The following ECEL1 variants were observed in gnomAD, a reference collection of about 807,000 sequenced individuals.
The protein encoded by ECEL1 is endothelin-converting enzyme-like 1.
A neutral mutation model predicts 101.8 loss-of-function variants in ECEL1; 87 were observed. The observed-to-expected ratio is 0.85, with a 90% confidence interval of 0.72 to 1.02. The LOEUF is 1.02. Ranked by LOEUF, ECEL1 falls within the 50% of genes least tolerant of loss-of-function variation. ECEL1 has a pLI of 0.00. For missense variants in ECEL1, 1,032 were observed against 1,079.2 expected, an observed-to-expected ratio of 0.96 and a Z score of 0.61; for synonymous variants, 487 against 468.7, an observed-to-expected ratio of 1.04 and a Z score of -0.50.
chr2:232,481,828 G>A lies in ECEL1; in HGVS notation c.1818C>T (p.Ile606=), dbSNP rs1284757016. 6 of 1,613,830 alleles carry A rather than the reference G, an allele frequency of 3.7e-6. No homozygotes were observed. The highest frequency in any genetic ancestry group is 1.7e-5 in the Admixed American group (1 of 60,002). ...TCAGCTCATGTCCAATGATGGTGCC[G>A]ATGCCCCCGTAGTTGAGAGACCTGG... ...DFPQSLNYGG[I]GTIIGHELTH... Residue 606 remains isoleucine, a synonymous_variant, in exon 13 of 18, where the codon ATC becomes ATT. Coordinates refer to ENST00000304546, the MANE Select transcript of ECEL1 (RefSeq NM_004826.4).
chr2:232,484,498 C>A lies in ECEL1; in HGVS notation c.1158G>T (p.Ser386=), dbSNP rs769338005. The A allele has an allele frequency of 1.2e-6, 2 of 1,613,870 alleles. No homozygotes were observed. Among genetic ancestry groups the A allele is most frequent in the East Asian group, 2.2e-5 (1 of 44,884 alleles). ...GGTGGGGTGTGGAGCGGATGAGCTG[C>A]GACACCTGCTGCATGTAGTCTGTCG... ...LLATDYMQQV[S]QLIRSTPHRV... is the part of the protein sequence containing the mutation. Residue 386 remains serine, a synonymous_variant, in exon 6 of 18, where the codon TCG becomes TCT. Coordinates refer to ENST00000304546, the MANE Select transcript of ECEL1 (RefSeq NM_004826.4).
At chr2:232,483,855 G>T (rs577983711) in intron 7 of ECEL1, 146 bp downstream of exon 7, 2 of 905,962 alleles carry the variant, frequency 2.2e-6, no homozygotes, top group East Asian at 2.5e-5. Flanking sequence ...GCAGCCTGGG[G>T]CCTCAGAATC....
Position 232,486,514 on chromosome 2 carries a change from C to A in ECEL1, c.140G>T (p.Gly47Val). ...FPLGAARSAT[G>V]ARSGLPRWNR... ...CCAGCGCGGCAGCCCGGACCGGGCC[C>A]CGGTGGCGCTGCGCGCAGCGCCCAA... is the stretch of plus-strand genomic sequence containing the variant. Residue 47 changes from glycine (G) to valine (V), a missense_variant, in exon 2 of 18, where the codon GGG (glycine) becomes GTG (valine). By Grantham distance (109) the Gly-to-Val change is moderately radical. Coordinates refer to ENST00000304546, the MANE Select transcript of ECEL1 (RefSeq NM_004826.4). 1 of 1,354,276 alleles carries A rather than the reference C, an allele frequency of 7.4e-7. No individual in the cohort carries two copies. The highest frequency in any genetic ancestry group is 9.4e-7 in the Non-Finnish European group (1 of 1,064,020). The allele number at this position is 1,354,276 out of a possible 1,614,324, so 83.9% of individuals were successfully genotyped here. A position where few individuals can be genotyped will look rare whatever the true frequency, so the allele number is the denominator to read the frequency against.
chr2:232,486,615 C>T lies in ECEL1; in HGVS notation c.39G>A (p.Glu13=). ...PPYSLTAHYD[E]FQEVKYVSRC... ...GGCTCACGTACTTGACCTCTTGGAA[C>T]TCATCGTAGTGCGCCGTCAGCGAAT... Residue 13 remains glutamate, a synonymous_variant, in exon 2 of 18, where the codon GAG becomes GAA. Coordinates refer to ENST00000304546, the MANE Select transcript of ECEL1 (RefSeq NM_004826.4). 6.6e-7 allele frequency: 1 copy of T among 1,525,150 alleles called. No homozygotes were observed. Among genetic ancestry groups the T allele is most frequent in the Non-Finnish European group, 8.7e-7 (1 of 1,146,786 alleles). 94.5% of individuals were successfully genotyped at this position (1,525,150 alleles called of 1,614,324 possible).
rs745378093 is a variant in ECEL1, at chr2:232,481,836, C to A, written c.1810G>T (p.Gly604Trp). 1 of 1,613,862 alleles carries A rather than the reference C, an allele frequency of 6.2e-7. No individual in the cohort carries two copies. The highest frequency in any genetic ancestry group is 1.3e-5 in the African/African-American group (1 of 74,936). The change falls in exon 13 of 18, where the codon GGG becomes TGG. Residue 604 changes from glycine to tryptophan, a missense_variant. Gly to Trp is a radical substitution (Grantham distance 184). Coordinates refer to ENST00000304546, the MANE Select transcript of ECEL1 (RefSeq NM_004826.4). ...DPDFPQSLNY[G>W]GIGTIIGHEL... ...TGTCCAATGATGGTGCCGATGCCCC[C>A]GTAGTTGAGAGACCTGGGCCCACAG...
chr2:232,483,202 G>A lies in ECEL1; in HGVS notation c.1507-23C>T, dbSNP rs377348971. On this transcript the variant is annotated intron_variant, in intron 8 of 17. Transcript: ENST00000304546. The stretch of plus-strand genomic sequence containing the variant: ...GAGCTGCGGGCCGAGGGCAGGTGAA[G>A]GTGGCACCAGGCCTCGGGAGACAGC... 4.4e-6 allele frequency: 7 copies of A among 1,589,424 alleles called. No individual in the cohort carries two copies. The Admixed American group carries it at 5.5e-5, about 12-fold the overall frequency.
At position 232,483,491 on chromosome 2, in the gene ECEL1, G is replaced by C. The variant is rs1344169798; in HGVS notation, c.1431C>G (p.Ile477Met). 1 of 1,611,554 alleles carries C rather than the reference G, an allele frequency of 6.2e-7. No individual in the cohort carries two copies. The highest frequency in any genetic ancestry group is 1.3e-5 in the African/African-American group (1 of 74,896). Residue 477 changes from isoleucine to methionine, a missense_variant, in exon 8 of 18, where the codon ATC becomes ATG. Coordinates refer to ENST00000304546, the MANE Select transcript of ECEL1 (RefSeq NM_004826.4). ...KAKVQQLVED[I>M]KYILGQRLEE... ...CCAGGCGCTGGCCCAGGATGTACTT[G>C]ATGTCTTCCACTAGCTGCTGCACCT...
chr2:232,484,414 G>A, intron 6 of ECEL1, 58 bp downstream of exon 6: 2 of 1,602,096 alleles, frequency 1.2e-6, no homozygotes, highest in African/African-American at 1.3e-5. Context: ...AGAGGTCCAG[G>A]GTGCAGGGGA....
chr2:232,485,761 C>T, intron 2 of ECEL1, 107 bp downstream of exon 2: 2 of 1,396,036 alleles, frequency 1.4e-6, no homozygotes, highest in Non-Finnish European at 9.7e-7. Context: ...TCGTCTCTTC[C>T]CTCCTCTCCT....
Position 232,486,511 on chromosome 2 carries a change from GC to G in ECEL1, c.142del (p.Ala48ProfsTer155). ...PLGAARSATG[A>X]RSGLPRWNRR... ...GTTCCAGCGCGGCAGCCCGGACCGG[GC>G]CCCGGTGGCGCTGCGCGCAGCGCCC... On this transcript the variant is annotated frameshift_variant, in exon 2 of 18. Transcript: ENST00000304546. LOFTEE classifies it high-confidence loss of function. The G allele has an allele frequency of 1.5e-6, 2 of 1,358,454 alleles. No homozygotes were observed. Among genetic ancestry groups the G allele is most frequent in the South Asian group, 1.8e-5 (1 of 54,242 alleles). The allele number at this position is 1,358,454 out of a possible 1,614,324, so 84.2% of individuals were successfully genotyped here.
rs1215761908 is a variant in ECEL1, at chr2:232,485,055, G to A, written c.892C>T (p.Leu298Phe). The A allele has an allele frequency of 6.2e-7, 1 of 1,612,392 alleles. No homozygotes were observed. The highest frequency in any genetic ancestry group is 1.7e-5 in the Admixed American group (1 of 60,032). ...AAYRVFMERV[L>F]SLLGADAVEQ... ...ACAGCGTCTGCACCCAGGAGGCTGA[G>A]CACTCGCTCCATGAACACCCTGTAT... The change falls in exon 4 of 18, where the codon CTC becomes TTC. Residue 298 changes from leucine (L) to phenylalanine (F), a missense_variant. Physicochemically the swap from Leu to Phe is conservative, Grantham distance 22. Transcript: ENST00000304546.
At chr2:232,484,753 A>G in intron 5 of ECEL1, 48 bp downstream of exon 5, 2 of 1,611,418 alleles carry the variant, frequency 1.2e-6, no homozygotes, top group Non-Finnish European at 1.7e-6. Flanking sequence ...TCCCAGCAGC[A>G]GCATTGCCCT....
Position 232,485,860 on chromosome 2 carries a change from G to T in ECEL1, c.786+8C>A, listed in dbSNP as rs1301383456. On this transcript the variant is annotated splice_region_variant and intron_variant, in intron 2 of 17. Coordinates refer to ENST00000304546, the MANE Select transcript of ECEL1 (RefSeq NM_004826.4). Reference sequence around the variant, plus strand: ...GCCGCTGGCAGGGCGCTCAGGGGGCGCACTCACGCGGATGACGTAGCGCGA... The same window carrying T: ...GCCGCTGGCAGGGCGCTCAGGGGGCTCACTCACGCGGATGACGTAGCGCGA... 4 of 1,546,774 alleles carry T rather than the reference G, an allele frequency of 2.6e-6. No homozygotes were observed. In the East Asian group the frequency reaches 7.3e-5, roughly 28 times the overall value.
In ECEL1 at chr2:232,485,184, C is replaced by G; in HGVS notation, c.855+15G>C. 1 of 1,613,484 alleles carries G rather than the reference C, an allele frequency of 6.2e-7. No individual in the cohort carries two copies. The highest frequency in any genetic ancestry group is 8.5e-7 in the Non-Finnish European group (1 of 1,179,972). ...CCCCAGGCCTTCCCTGCCTCCCCAT[C>G]CCATGCCCCAGCACCTTCTCACTGT... On this transcript the variant is annotated intron_variant, in intron 3 of 17. Coordinates refer to ENST00000304546, the MANE Select transcript of ECEL1 (RefSeq NM_004826.4).
rs750973981 is a variant in ECEL1, at chr2:232,484,948, G to A, written c.966+33C>T. ...CCTGCTCCATGATGCCCTCCCTCAAGCCCAGGGCAGCCTCCAGTCCTGGTC... is the reference window on the plus strand; with the variant it reads ...CCTGCTCCATGATGCCCTCCCTCAAACCCAGGGCAGCCTCCAGTCCTGGTC... On this transcript the variant is annotated intron_variant, in intron 4 of 17. Transcript: ENST00000304546. 14 of 1,612,612 alleles carry A rather than the reference G, an allele frequency of 8.7e-6. No individual in the cohort carries two copies. In the South Asian group the frequency reaches 1.4e-4, roughly 16 times the overall value.
At position 232,480,117 on chromosome 2, in the gene ECEL1, C is replaced by A. The variant is rs767046292; in HGVS notation, c.*36G>T. The A allele has an allele frequency of 1.9e-6, 3 of 1,601,826 alleles. No homozygotes were observed. The highest frequency in any genetic ancestry group is 3.3e-5 in the Admixed American group (2 of 59,820). On this transcript the variant is annotated 3_prime_UTR_variant, in exon 18 of 18. Coordinates refer to ENST00000304546, the MANE Select transcript of ECEL1 (RefSeq NM_004826.4). Reference sequence around the variant, plus strand: ...GGTAGCCAGCAGGAGGTGATTCGTGCGGGGGCAGTGGGGGCGTGCAGGCGG... The same window carrying A: ...GGTAGCCAGCAGGAGGTGATTCGTGAGGGGGCAGTGGGGGCGTGCAGGCGG...
chr2:232,481,106 G>A lies in ECEL1; in HGVS notation c.2040C>T (p.Leu680=), dbSNP rs1404278759. ...GGCCGCTCACGTGGTAGGCCAGCTT[G>A]AGGCCGCCCATATCTGCGATGTTCT... ...LGENIADMGG[L]KLAYHAYQKW... Residue 680 remains leucine, a synonymous_variant, in exon 15 of 18, where the codon CTC becomes CTT. Transcript: ENST00000304546. 5 of 1,563,338 alleles carry A rather than the reference G, an allele frequency of 3.2e-6. No homozygotes were observed. The African/African-American group carries it at 5.4e-5, about 17-fold the overall frequency.
At position 232,483,195 on chromosome 2, in the gene ECEL1, A is replaced by C. The variant is rs1455667024; in HGVS notation, c.1507-16T>G. On this transcript the variant is annotated splice_polypyrimidine_tract_variant and intron_variant, in intron 8 of 17. Coordinates refer to ENST00000304546, the MANE Select transcript of ECEL1 (RefSeq NM_004826.4). ...TGTACTGGAGCTGCGGGCCGAGGGC[A>C]GGTGAAGGTGGCACCAGGCCTCGGG... is the stretch of plus-strand genomic sequence containing the variant. 4 of 1,594,018 alleles carry C rather than the reference A, an allele frequency of 2.5e-6. No individual in the cohort carries two copies. Among genetic ancestry groups the C allele is most frequent in the Non-Finnish European group, 3.4e-6 (4 of 1,171,146 alleles).
At chr2:232,481,747 T>C (rs1575075599) in intron 13 of ECEL1, 35 bp downstream of exon 13, 1 of 1,466,336 alleles carries the variant, frequency 6.8e-7, no homozygotes. Flanking sequence ...TCCTGCCCCC[T>C]CCGGGCCATC....
Sources: allele counts gnomAD v4.1 joint callset, GRCh38; gene constraint gnomAD v4.1.1; transcripts MANE v1.5; gene names NCBI Gene and HGNC (gene_info 2026-07-23, HGNC 2026-07-21).